Variants in RPS20 observed in about 807,000 individuals in gnomAD.
RPS20 encodes the protein small ribosomal subunit protein uS10.
RPS20 carries 3 observed loss-of-function variants against 15.3 expected under a neutral mutation model. The ratio of observed to expected loss-of-function variants is 0.20; its 90% CI spans 0.09 to 0.51. The LOEUF (loss-of-function observed/expected upper bound fraction) is 0.51. Ranked by LOEUF, RPS20 falls within the 20% of genes least tolerant of loss-of-function variation. RPS20 has a pLI of 0.96. For missense variants in RPS20, 67 were observed against 145.9 expected (o/e 0.46, Z 2.79); for synonymous variants, 62 against 47.8 (o/e 1.30, Z -1.23).
downstream of RPS20, among the ~76,000 whole-genome samples, chr8:56,068,803 ATATCTTT>A (rs1809677336): frequency 2.2e-5 from 2 of 92,604 alleles, no homozygotes; most frequent in African/African-American, 8.2e-5. Context: ...CTTGGTGAAA[ATATCTTT>A]TTTTTTTTTT....
At chr8:56,072,555 C>G (rs367978462), downstream of RPS20, among the ~76,000 whole-genome samples, 22,761 of 148,130 alleles carry the variant, frequency 0.15, 2,300 homozygotes, top group Middle Eastern at 0.26. Context: ...CCGTCCCCCC[C>G]CCCAAAAAAA....
At chr8:56,072,769 A>G, downstream of RPS20, 1 of 637,326 alleles carries the variant, frequency 1.6e-6, no homozygotes, top group Non-Finnish European at 2.0e-6. Context: ...TAGGTTCTCA[A>G]CCATGGGTGT....
At chr8:56,069,450 C>A (rs1207805196), downstream of RPS20, among the ~76,000 whole-genome samples, 1 of 152,052 alleles carries the variant, frequency 6.6e-6, no homozygotes, top group Non-Finnish European at 1.5e-5. Context: ...AGGAGCGTGC[C>A]ACCACACCTG....
chr8:56,072,865 C>A, downstream of RPS20: 1 of 1,248,164 alleles, frequency 8.0e-7, no homozygotes, highest in South Asian at 2.3e-5. Flanking sequence ...TGCCAGTGTC[C>A]AATAAAACCA....
downstream of RPS20, among the ~76,000 whole-genome samples, chr8:56,070,989 G>A (rs1277137235): frequency 6.6e-6 from 1 of 152,058 alleles, no homozygotes; most frequent in Admixed American, 6.6e-5. Flanking sequence ...ATATTCAAAG[G>A]CCCTGCAGTT....
At chr8:56,069,099 ATAAG>A (rs1217001498), downstream of RPS20, among the ~76,000 whole-genome samples, 1 of 152,030 alleles carries the variant, frequency 6.6e-6, no homozygotes, top group Non-Finnish European at 1.5e-5. Flanking sequence ...TGAGGCAAAA[ATAAG>A]TAAATAAATA....
At chr8:56,070,631 A>G (rs1189359030), downstream of RPS20, among the ~76,000 whole-genome samples, 2 of 151,716 alleles carry the variant, frequency 1.3e-5, no homozygotes, top group African/African-American at 4.8e-5. Flanking sequence ...CTTGAGGTTG[A>G]GGCAGGAGGA....
At chr8:56,074,038 C>T (rs752257517) in intron 2 of RPS20, 22 bp downstream of exon 2, 3 of 1,582,730 alleles carry the variant, frequency 1.9e-6, no homozygotes, top group East Asian at 2.2e-5. Context: ...CCCCCTCCCC[C>T]CCGCATAACG....
rs900246426 is a variant in RPS20 at position 56,074,451 on chromosome 8, C to T, written c.-68G>A. ...AGAGCGAACAGCGGTGAGTCAGGAG[C>T]AGGAGCGTGCGGACCAAAAATCCTC... On this transcript the variant is annotated 5_prime_UTR_variant, in exon 1 of 4. Transcript: ENST00000009589. 10 of 1,524,554 alleles carry T rather than the reference C, an allele frequency of 6.6e-6. No homozygotes were observed. The highest frequency in any genetic ancestry group is 2.0e-5 in the Admixed American group (1 of 49,536). 94.4% of individuals were successfully genotyped at this position (1,524,554 alleles called of 1,614,324 possible).
chr8:56,072,959 A>C, downstream of RPS20: 1 of 1,436,298 alleles, frequency 7.0e-7, no homozygotes, highest in Non-Finnish European at 9.1e-7. Context: ...GACCACTCTA[A>C]GATACCCATA....
chr8:56,074,306 G>A, intron 1 of RPS20, 75 bp downstream of exon 1: 4 of 1,545,564 alleles, frequency 2.6e-6, no homozygotes, highest in East Asian at 4.8e-5. Flanking sequence ...GCCCTCAGGA[G>A]CACGAACTCG....
chr8:56,071,249 A>C (rs893331918), downstream of RPS20, among the ~76,000 whole-genome samples: 5 of 152,164 alleles, frequency 3.3e-5, no homozygotes, highest in African/African-American at 7.2e-5. Context: ...GACTTTAGTG[A>C]CATTTTTTTC....
downstream of RPS20, among the ~76,000 whole-genome samples, chr8:56,069,452 C>T (rs1306667587): frequency 2.0e-5 from 3 of 152,068 alleles, no homozygotes; most frequent in Non-Finnish European, 4.4e-5. Context: ...GAGCGTGCCA[C>T]CACACCTGGC....
downstream of RPS20, among the ~76,000 whole-genome samples, chr8:56,071,264 T>C (rs1809747697): frequency 6.6e-6 from 1 of 152,162 alleles, no homozygotes; most frequent in Non-Finnish European, 1.5e-5. Context: ...TTTTTCAGAA[T>C]TTCATTTCCT....
At chr8:56,073,944 T>C (rs1809847087) in intron 2 of RPS20, 116 bp downstream of exon 2, 2 of 1,133,374 alleles carry the variant, frequency 1.8e-6, no homozygotes, top group Admixed American at 1.7e-5. Context: ...GCTTTACTTT[T>C]TTAAGTAACT....
At chr8:56,069,596 G>T, downstream of RPS20, 1 of 817,168 alleles carries the variant, frequency 1.2e-6, no homozygotes, top group Non-Finnish European at 2.0e-6. Context: ...ACCCCGCCCA[G>T]CCATAGTTCC....
downstream of RPS20, chr8:56,068,406 T>C (rs1383167840): frequency 1.3e-5 from 2 of 151,828 alleles, no homozygotes; most frequent in African/African-American, 4.8e-5. Flanking sequence ...GGAACACTGG[T>C]GCACACCTGT....
downstream of RPS20, among the ~76,000 whole-genome samples, chr8:56,072,404 T>TA (rs538551358): frequency 6.2e-3 from 933 of 151,566 alleles, 8 homozygotes; most frequent in South Asian, 0.017. Flanking sequence ...AATAAAAAAT[T>TA]AACCAGGCTT....
At chr8:56,070,358 T>TA (rs1563346337), downstream of RPS20, among the ~76,000 whole-genome samples, 2 of 152,226 alleles carry the variant, frequency 1.3e-5, no homozygotes, top group East Asian at 3.8e-4. Flanking sequence ...ACTGCATGGC[T>TA]AGAGATTCTA....
Sources: gnomAD v4.1 joint callset for allele counts (sites outside exome capture counted in the v4.1 genomes callset) on GRCh38, gnomAD v4.1.1 for gene constraint, MANE v1.5 for transcripts, NCBI Gene and HGNC (gene_info 2026-07-23, HGNC 2026-07-21) for gene names.